Variants in FLNC observed in about 807,000 individuals in gnomAD.
The protein encoded by FLNC is filamin-C.
A neutral mutation model predicts 254.3 loss-of-function variants in FLNC; 91 were observed. The observed-to-expected ratio is 0.36, with a 90% confidence interval of 0.30 to 0.43. FLNC has a LOEUF of 0.43. Among genes scored for constraint, FLNC ranks in the 20% least tolerant of loss-of-function variants. The pLI is 1.00. For synonymous variants in FLNC, 1,430 were observed against 1,577.2 expected, an observed-to-expected ratio of 0.91 and a Z score of 2.21; for missense variants, 2,853 against 3,802.6, an observed-to-expected ratio of 0.75 and a Z score of 6.57.
intron 8 of FLNC, among the ~76,000 whole-genome samples, chr7:128,839,715 A>T (rs886635536): frequency 6.6e-6 from 1 of 152,206 alleles, no homozygotes; most frequent in African/African-American, 2.4e-5. Flanking sequence ...AGGGCTCTAG[A>T]TGGATGGCCT....
chr7:128,839,169 C>T (rs1052828087), intron 8 of FLNC, among the ~76,000 whole-genome samples: 7 of 152,204 alleles, frequency 4.6e-5, no homozygotes, highest in Admixed American at 6.5e-5. Context: ...CCAGTGGAGG[C>T]GGGGCCAGGC....
At position 128,838,415 on chromosome 7, in the gene FLNC, AC is replaced by A; in HGVS notation, c.1197del (p.Asp399GlufsTer15). The A allele has an allele frequency of 6.2e-7, 1 of 1,613,680 alleles. No individual in the cohort carries two copies. Among genetic ancestry groups the A allele is most frequent in the Non-Finnish European group, 8.5e-7 (1 of 1,179,938 alleles). On this transcript the variant is annotated frameshift_variant, in exon 7 of 48. Coordinates refer to ENST00000325888, the MANE Select transcript of FLNC (RefSeq NM_001458.5). LOFTEE classifies it high-confidence loss of function. ...GTGGCCAACAAACCCACCTACTTTG[AC>A]ATCTACACTGCGGGTAGGACGGGCC... ...GNVANKPTYF[D>X]IYTAGAGTGD...
In FLNC at chr7:128,842,069, G is replaced by T. The variant is rs1212326008; in HGVS notation, c.2122-162G>T. Among the ~76,000 whole-genome samples the T allele has an allele frequency of 6.6e-6, 1 of 151,998 alleles. No individual in the cohort carries two copies. Among genetic ancestry groups the T allele is most frequent in the Non-Finnish European group, 1.5e-5 (1 of 67,978 alleles). ...CAGGCTCCCAGGGTGGGCTCTGGCC[G>T]CCAGAGCACGTGGCCCTGGGCTCTG... On this transcript the variant is annotated intron_variant, in intron 13 of 47. Coordinates refer to ENST00000325888, the MANE Select transcript of FLNC (RefSeq NM_001458.5). The surrounding 1 kb of genome is among the most constrained non-coding windows in gnomAD (Gnocchi z 5.4).
intron 35 of FLNC, 122 bp from the exon 36 acceptor site, chr7:128,852,469 C>A: frequency 8.7e-7 from 1 of 1,153,088 alleles, no homozygotes; most frequent in South Asian, 1.2e-5. Flanking sequence ...CCTCCGTGCA[C>A]CTGGGAGTGG....
intron 23 of FLNC, 131 bp from the exon 24 acceptor site, chr7:128,846,614 C>T: frequency 1.5e-6 from 2 of 1,340,600 alleles, no homozygotes; most frequent in South Asian, 1.2e-5. Context: ...CCAGATTGGC[C>T]CCTGTAGCTC....
chr7:128,849,927 A>T (rs775844355), intron 30 of FLNC, 49 bp from the exon 31 acceptor site: 1 of 1,300,686 alleles, frequency 7.7e-7, no homozygotes, highest in Non-Finnish European at 1.1e-6. Context: ...GTCAGCCCCT[A>T]GGCCTGTGAG....
In FLNC at chr7:128,844,923, T is replaced by A. The variant is rs138663492; in HGVS notation, c.3458T>A (p.Phe1153Tyr). Residue 1153 changes from phenylalanine (F) to tyrosine (Y), a missense_variant, in exon 21 of 48, where the codon TTT becomes TAT. This residue lies in a region of FLNC where 1,573 missense variants were observed against 1,883.5 expected (regional missense o/e 0.84). Coordinates refer to ENST00000325888, the MANE Select transcript of FLNC (RefSeq NM_001458.5). ...SPFKATIRPV[F>Y]DPSKVRASGP... The stretch of plus-strand genomic sequence containing the variant: ...TTCAAAGCCACCATTCGGCCTGTGT[T>A]TGACCCGAGCAAGGTGCGGGCCAGT... 1 of 1,613,928 alleles carries A rather than the reference T, an allele frequency of 6.2e-7. No individual in the cohort carries two copies. Among genetic ancestry groups the A allele is most frequent in the African/African-American group, 1.3e-5 (1 of 75,052 alleles).
At chr7:128,844,361 C>T in intron 20 of FLNC, 95 bp downstream of exon 20, 1 of 1,421,882 alleles carries the variant, frequency 7.0e-7, no homozygotes, top group Non-Finnish European at 9.4e-7. Context: ...ACTTATGTGC[C>T]TGGAGTGGGC....
chr7:128,841,313 C>A lies in FLNC; in HGVS notation c.1957C>A (p.Pro653Thr). Residue 653 changes from proline (P) to threonine (T), a missense_variant, in exon 12 of 48, where the codon CCC becomes ACC. By Grantham distance (38) the Pro-to-Thr change is conservative. Around this residue, in one of 10 missense-constraint regions of FLNC, gnomAD observed 1,573 missense variants for 1,883.5 expected, o/e 0.84. Coordinates refer to ENST00000325888, the MANE Select transcript of FLNC (RefSeq NM_001458.5). This position sits in a 1 kb window ranked among gnomAD's most constrained non-coding sequence, Gnocchi z 4.3. Reference sequence around the variant, plus strand: ...TGACGATGAGGACATCCGAGACTCACCCTTCATTGCCCACATCCTGCCCGC... The same window carrying A: ...TGACGATGAGGACATCCGAGACTCAACCTTCATTGCCCACATCCTGCCCGC... ...ICDDEDIRDS[P>T]FIAHILPAPP... The A allele has an allele frequency of 6.2e-7, 1 of 1,614,080 alleles. No individual in the cohort carries two copies. The highest frequency in any genetic ancestry group is 2.2e-5 in the East Asian group (1 of 44,882).
chr7:128,843,111 C>T, intron 16 of FLNC, 118 bp from the exon 17 acceptor site: 1 of 1,362,638 alleles, frequency 7.3e-7, no homozygotes, highest in Admixed American at 2.0e-5. Flanking sequence ...AAAGGGGGCC[C>T]TTTTGGAGGC....
At chr7:128,848,741 C>G in intron 27 of FLNC, 24 bp downstream of exon 27, 1 of 1,614,020 alleles carries the variant, frequency 6.2e-7, no homozygotes, top group Non-Finnish European at 8.5e-7. Flanking sequence ...CATCCCACCC[C>G]GCAGGTCATG....
chr7:128,838,351 G>T lies in FLNC; in HGVS notation c.1132G>T (p.Val378Leu). 6.2e-7 allele frequency: 1 copy of T among 1,614,118 alleles called. No homozygotes were observed. ...VGMALGDANK[V>L]SARGPGLEPV... The stretch of plus-strand genomic sequence containing the variant: ...CATGGCCCTGGGAGATGCCAACAAG[G>T]TGTCAGCCCGTGGCCCTGGCCTGGA... Residue 378 changes from valine (V) to leucine (L), a missense_variant, in exon 7 of 48, where the codon GTG becomes TTG. Transcript: ENST00000325888.
In FLNC at chr7:128,830,706, C is replaced by T. The variant is rs1387287743; in HGVS notation, c.69C>T (p.Ser23=). ...GLGDETDEMP[S]TEKDLAEDAP... is the part of the protein sequence containing the mutation. Reference sequence around the variant, plus strand: ...GCGATGAGACAGACGAGATGCCGTCCACGGAGAAGGACCTGGCGGAGGACG... The same window carrying T: ...GCGATGAGACAGACGAGATGCCGTCTACGGAGAAGGACCTGGCGGAGGACG... The change falls in exon 1 of 48, where the codon TCC becomes TCT. Residue 23 remains serine (S), a synonymous_variant. Coordinates refer to ENST00000325888, the MANE Select transcript of FLNC (RefSeq NM_001458.5). 1.2e-6 allele frequency: 2 copies of T among 1,612,964 alleles called. No individual in the cohort carries two copies. Among genetic ancestry groups the T allele is most frequent in the East Asian group, 4.5e-5 (2 of 44,868 alleles).
chr7:128,853,397 T>A (rs1808907808), intron 37 of FLNC, 72 bp from the exon 38 acceptor site: 6 of 1,585,854 alleles, frequency 3.8e-6, no homozygotes, highest in Non-Finnish European at 4.3e-6. Flanking sequence ...GAGCCTGCAG[T>A]CTGGGGAGAG....
intron 9 of FLNC, 142 bp from the exon 10 acceptor site, chr7:128,840,406 C>T: frequency 2.6e-6 from 3 of 1,145,646 alleles, no homozygotes; most frequent in South Asian, 2.8e-5. Context: ...CAAGTGTTCC[C>T]TGCCCTGAGT....
At chr7:128,838,158 C>A in intron 6 of FLNC, 94 bp downstream of exon 6, 1 of 1,491,022 alleles carries the variant, frequency 6.7e-7, no homozygotes. Context: ...TCGCGCCTGC[C>A]CAGAGCCCCA....
intron 1 of FLNC, 79 bp downstream of exon 1, chr7:128,831,068 C>A (rs1303254517): frequency 7.2e-7 from 1 of 1,383,510 alleles, no homozygotes; most frequent in African/African-American, 1.4e-5. Flanking sequence ...GCGGGGTGGG[C>A]GCGCGGGGAG....
chr7:128,840,250 C>A, intron 9 of FLNC, 90 bp downstream of exon 9: 1 of 1,483,442 alleles, frequency 6.7e-7, no homozygotes, highest in Non-Finnish European at 9.3e-7. Flanking sequence ...AGGGCAGTGA[C>A]AGCCAGCACC....
At position 128,856,863 on chromosome 7, in the gene FLNC, G is replaced by A. The variant is rs1270240455; in HGVS notation, c.7503G>A (p.Gln2501=). ...AGATCCGCGTTGGGGAGCAGAGCCA[G>A]GCTGGGGACCCAGGCTTGGTGTCAG... is the stretch of plus-strand genomic sequence containing the variant. ...PFKIRVGEQS[Q]AGDPGLVSAY... The change falls in exon 45 of 48, where the codon CAG becomes CAA. Residue 2501 remains glutamine, a synonymous_variant. Coordinates refer to ENST00000325888, the MANE Select transcript of FLNC (RefSeq NM_001458.5). This position sits in a 1 kb window ranked among gnomAD's most constrained non-coding sequence, Gnocchi z 5.9. 1.9e-6 allele frequency: 3 copies of A among 1,614,116 alleles called. No homozygotes were observed. The highest frequency in any genetic ancestry group is 1.7e-6 in the Non-Finnish European group (2 of 1,180,040).
Sources: allele counts gnomAD v4.1 joint callset (sites outside exome capture counted in the v4.1 genomes callset), GRCh38; gene constraint gnomAD v4.1.1; regional missense constraint gnomAD v4.1.1; non-coding constraint Gnocchi (gnomAD v3.1); transcripts MANE v1.5; gene names NCBI Gene and HGNC (gene_info 2026-07-23, HGNC 2026-07-21).